The following AGO2 variants were observed in gnomAD, a reference collection of about 807,000 sequenced individuals.
AGO2 encodes the protein protein argonaute-2.
In AGO2, 5 loss-of-function variants were observed where a neutral mutation model predicts 102.3. The observed-to-expected ratio is 0.05, with a 90% confidence interval of 0.03 to 0.10. The LOEUF (loss-of-function observed/expected upper bound fraction) is 0.10. AGO2 is among the 10% of genes least tolerant of loss of function. The probability of loss-of-function intolerance (pLI) is 1.00; values close to 1 mark genes in which losing one functional copy is unlikely to be tolerated. For synonymous variants in AGO2, 449 were observed against 473.1 expected, an observed-to-expected ratio of 0.95 and a Z score of 0.66; for missense variants, 541 against 1,183.7, an observed-to-expected ratio of 0.46 and a Z score of 7.97.
rs750620698 is a variant in AGO2, at chr8:140,551,287, C to G, written c.1403+16G>C. 1.1e-5 allele frequency: 17 copies of G among 1,507,184 alleles called. No individual in the cohort carries two copies. In the South Asian group the frequency reaches 2.2e-4, roughly 19 times the overall value. 93.4% of individuals were successfully genotyped at this position (1,507,184 alleles called of 1,614,324 possible). On this transcript the variant is annotated intron_variant, in intron 11 of 18. Transcript: ENST00000220592. ...CAGCACCCCCAGGCCGGAGCCTCTG[C>G]CTGTGGGGGGCTTACTTCAGATGGA...
chr8:140,606,466 C>G (rs2073999580), intron 1 of AGO2, among the ~76,000 whole-genome samples: 1 of 152,162 alleles, frequency 6.6e-6, no homozygotes, highest in Non-Finnish European at 1.5e-5. Flanking sequence ...CTTTGTTTTG[C>G]TTAAAAACGC....
At chr8:140,580,575 G>A (rs2073541504) in intron 2 of AGO2, among the ~76,000 whole-genome samples, 1 of 152,222 alleles carries the variant, frequency 6.6e-6, no homozygotes, top group Middle Eastern at 3.4e-3. Context: ...CGCTGACCAT[G>A]AGCACCATCC....
rs541978718 is a variant in AGO2 at position 140,626,146 on chromosome 8, G to A, written c.22+9339C>T. Among the ~76,000 whole-genome samples the A allele has an allele frequency of 4.2e-4, 64 of 152,202 alleles. 1 individual carries two copies. In the South Asian group the frequency reaches 0.011, roughly 26 times the overall value. ...GGGGCACAGCTGGCGCCCTTTCGGC[G>A]TCGCTCCTGTCTACGAGCGGGCAAG... On this transcript the variant is annotated intron_variant, in intron 1 of 18. Coordinates refer to ENST00000220592, the MANE Select transcript of AGO2 (RefSeq NM_012154.5).
At chr8:140,597,567 G>C (rs909575027) in intron 1 of AGO2, among the ~76,000 whole-genome samples, 2 of 150,826 alleles carry the variant, frequency 1.3e-5, no homozygotes, top group Non-Finnish European at 2.9e-5. Context: ...CTTGAGGATG[G>C]AAGGAGAAAT....
chr8:140,627,200 A>G (rs1300820400), intron 1 of AGO2, among the ~76,000 whole-genome samples: 2 of 152,214 alleles, frequency 1.3e-5, no homozygotes, highest in African/African-American at 4.8e-5. Flanking sequence ...GGATCCTTTC[A>G]CTATCAAAGC....
intron 1 of AGO2, among the ~76,000 whole-genome samples, chr8:140,615,401 T>C (rs1049546012): frequency 4.6e-5 from 7 of 152,048 alleles, no homozygotes; most frequent in Non-Finnish European, 7.3e-5. Context: ...CCACCTGCTC[T>C]AGGCCCCGGG....
In AGO2 at chr8:140,529,545, G is replaced by T. The variant is rs189839891; in HGVS notation, c.*2499C>A. The T allele has an allele frequency of 6.6e-6, 1 of 151,962 alleles. No individual in the cohort carries two copies. Among genetic ancestry groups the T allele is most frequent in the Non-Finnish European group, 1.5e-5 (1 of 67,996 alleles). 9.4% of individuals were successfully genotyped at this position (151,962 alleles called of 1,614,324 possible). A position where few individuals can be genotyped will look rare whatever the true frequency, so the allele number is the denominator to read the frequency against. On this transcript the variant is annotated 3_prime_UTR_variant, in exon 19 of 19. Transcript: ENST00000220592. ...AGGGCTATAAAAAAGTACCCTTTTCGAAGTACTCTGGCCCACTAAAAATGA... is the reference window on the plus strand; with the variant it reads ...AGGGCTATAAAAAAGTACCCTTTTCTAAGTACTCTGGCCCACTAAAAATGA...
At chr8:140,549,374 A>C in intron 11 of AGO2, 76 bp from the exon 12 acceptor site, 1 of 1,433,346 alleles carries the variant, frequency 7.0e-7, no homozygotes, top group Non-Finnish European at 9.4e-7. Flanking sequence ...GCTCTAACAC[A>C]AGGGCGTCAT....
chr8:140,602,515 G>A (rs987828566), intron 1 of AGO2, among the ~76,000 whole-genome samples: 2 of 152,130 alleles, frequency 1.3e-5, no homozygotes, highest in Admixed American at 6.5e-5. Context: ...TTAGAAAACC[G>A]TCAGAACAGA....
chr8:140,599,735 T>C (rs1190171323), intron 1 of AGO2, among the ~76,000 whole-genome samples: 2 of 152,102 alleles, frequency 1.3e-5, no homozygotes, highest in Non-Finnish European at 2.9e-5. Flanking sequence ...TGTTTGTTTT[T>C]CCCCGAGACA....
intron 1 of AGO2, among the ~76,000 whole-genome samples, chr8:140,590,044 C>G (rs1052638590): frequency 6.6e-6 from 1 of 152,234 alleles, no homozygotes; most frequent in Non-Finnish European, 1.5e-5. Context: ...ACATCTGCTC[C>G]TGTCAGCCGG....
At position 140,522,726 on chromosome 8, in the gene AGO2, G is replaced by GGAGGGAGAGAGA. The variant is rs1554696534; in HGVS notation, c.*9317_*9318insTCTCTCTCCCTC. 2 of 120,990 alleles carry GGAGGGAGAGAGA rather than the reference G, an allele frequency of 1.7e-5. No homozygotes were observed. Among genetic ancestry groups the GGAGGGAGAGAGA allele is most frequent in the African/African-American group, 3.2e-5 (1 of 31,602 alleles). The allele number at this position is 120,990 out of a possible 1,614,324, so 7.5% of individuals were successfully genotyped here. A position where few individuals can be genotyped will look rare whatever the true frequency, so the allele number is the denominator to read the frequency against. ...AGAGGGAGGGGGAGGGGGGAGAGGG[G>GGAGGGAGAGAGA]GAGAGAGAGAGAGAGAGAGAGAGGT... On this transcript the variant is annotated 3_prime_UTR_variant, in exon 19 of 19. Transcript: ENST00000220592.
the AGO2 span, among the ~76,000 whole-genome samples, chr8:140,641,914 T>A: frequency 1.3e-5 from 2 of 152,086 alleles, no homozygotes; most frequent in East Asian, 3.9e-4. Flanking sequence ...CAGTGGCACA[T>A]ACCTATAGTC....
the AGO2 span, among the ~76,000 whole-genome samples, chr8:140,641,741 G>A: frequency 2.0e-5 from 3 of 152,096 alleles, no homozygotes; most frequent in Non-Finnish European, 4.4e-5. Context: ...GCACAACCAC[G>A]CCTGGCTAAT....
intron 2 of AGO2, among the ~76,000 whole-genome samples, chr8:140,584,003 G>A (rs181720548): frequency 1.3e-5 from 2 of 152,214 alleles, no homozygotes; most frequent in East Asian, 1.9e-4. Context: ...CTGGCCAAAC[G>A]TTGTCATGCG....
upstream of AGO2, among the ~76,000 whole-genome samples, chr8:140,639,609 CA>C (rs35482318): frequency 0.41 from 62,707 of 151,340 alleles, 14,221 homozygotes; most frequent in Non-Finnish European, 0.51. Context: ...CCCATCGCTA[CA>C]AAATAAAAAA....
At chr8:140,533,249 C>T (rs941550262) in intron 17 of AGO2, among the ~76,000 whole-genome samples, 2 of 150,142 alleles carry the variant, frequency 1.3e-5, no homozygotes, top group Admixed American at 1.3e-4. Flanking sequence ...ATTAGCCAGG[C>T]GTGGTGGCGG....
intron 2 of AGO2, among the ~76,000 whole-genome samples, chr8:140,580,177 C>T (rs72694453): frequency 0.25 from 38,371 of 152,212 alleles, 5,352 homozygotes; most frequent in Non-Finnish European, 0.31. Flanking sequence ...CTGTACGGGA[C>T]GCTCCTGGGA....
At chr8:140,618,739 G>A (rs2074176343) in intron 1 of AGO2, among the ~76,000 whole-genome samples, 1 of 151,320 alleles carries the variant, frequency 6.6e-6, no homozygotes, top group South Asian at 2.1e-4. Context: ...GAGGTGGGAG[G>A]GTCTCCTGAG....
Sources: gnomAD v4.1 joint callset for allele counts (sites outside exome capture counted in the v4.1 genomes callset) on GRCh38, gnomAD v4.1.1 for gene constraint, MANE v1.5 for transcripts, NCBI Gene and HGNC (gene_info 2026-07-23, HGNC 2026-07-21) for gene names.